The following FSTL5 variants were observed in gnomAD, a reference collection of about 807,000 sequenced individuals.
FSTL5 encodes follistatin-related protein 5.
Under a neutral mutation model 89.1 loss-of-function variants are expected in FSTL5, and 62 were observed. That is an observed-to-expected ratio of 0.70 (90% CI 0.57 to 0.86). FSTL5 has a LOEUF of 0.86. Ranked by LOEUF, FSTL5 falls within the 40% of genes least tolerant of loss-of-function variation. The probability of loss-of-function intolerance (pLI) is 0.00; values close to 1 mark genes in which losing one functional copy is unlikely to be tolerated. For synonymous variants in FSTL5, 383 were observed against 346.2 expected (o/e 1.11, Z -1.18); for missense variants, 1,057 against 1,001.6 (o/e 1.06, Z -0.75).
chr4:161,881,166 TTTAATA>T (rs1251537918), intron 4 of FSTL5, among the ~76,000 whole-genome samples: 6 of 149,336 alleles, frequency 4.0e-5, no homozygotes, highest in East Asian at 1.9e-4. Flanking sequence ...TTTTTCATAT[TTTAATA>T]TTAATATTAA....
intron 6 of FSTL5, among the ~76,000 whole-genome samples, chr4:161,720,957 C>T (rs1739179392): frequency 1.3e-5 from 2 of 152,082 alleles, no homozygotes; most frequent in Non-Finnish European, 2.9e-5. Context: ...GCATAGCACC[C>T]GTAGTTACCA....
At chr4:161,636,446 G>GTTTTT (rs796867744) in intron 7 of FSTL5, among the ~76,000 whole-genome samples, 11 of 109,748 alleles carry the variant, frequency 1.0e-4, no homozygotes, top group East Asian at 5.3e-4. Context: ...TCTGGCAGTT[G>GTTTTT]TTTTTTTTTT....
At chr4:161,875,298 T>C (rs1329313446) in intron 4 of FSTL5, among the ~76,000 whole-genome samples, 1 of 152,210 alleles carries the variant, frequency 6.6e-6, no homozygotes, top group Non-Finnish European at 1.5e-5. Context: ...AATAGGAAAT[T>C]GGCTGTCCCC....
intron 2 of FSTL5, among the ~76,000 whole-genome samples, chr4:162,085,607 T>C (rs1348711656): frequency 3.9e-5 from 6 of 152,126 alleles, no homozygotes; most frequent in African/African-American, 1.4e-4. Context: ...CACACATATC[T>C]AATCATTAGC....
chr4:161,708,966 T>G (rs1302873775), intron 6 of FSTL5, among the ~76,000 whole-genome samples: 1 of 152,160 alleles, frequency 6.6e-6, no homozygotes, highest in Non-Finnish European at 1.5e-5. Flanking sequence ...GTGTTTTATA[T>G]CATAACTGTT....
chr4:161,888,916 A>G (rs985273239), intron 4 of FSTL5, among the ~76,000 whole-genome samples: 2 of 152,080 alleles, frequency 1.3e-5, no homozygotes, highest in African/African-American at 4.8e-5. Context: ...TATACAACAT[A>G]TATTTTTATT....
At chr4:162,088,784 T>C (rs1241340421) in intron 2 of FSTL5, among the ~76,000 whole-genome samples, 2 of 152,124 alleles carry the variant, frequency 1.3e-5, no homozygotes, top group African/African-American at 2.4e-5. Flanking sequence ...TATAAATGAG[T>C]AACATTTATA....
At chr4:161,513,769 T>C (rs1312681617) in intron 10 of FSTL5, among the ~76,000 whole-genome samples, 2 of 152,126 alleles carry the variant, frequency 1.3e-5, no homozygotes, top group Non-Finnish European at 2.9e-5. Flanking sequence ...TTCTCACTTA[T>C]AAGTGGGAGC....
intron 15 of FSTL5, among the ~76,000 whole-genome samples, chr4:161,409,609 TC>T (rs753886483): frequency 5.9e-5 from 9 of 152,076 alleles, no homozygotes; most frequent in Non-Finnish European, 1.3e-4. Flanking sequence ...CTCGAACTCA[TC>T]ACCTCGTGAT....
intron 3 of FSTL5, among the ~76,000 whole-genome samples, chr4:161,981,888 G>T (rs976791321): frequency 2.0e-5 from 3 of 151,820 alleles, no homozygotes; most frequent in Non-Finnish European, 4.4e-5. Context: ...TACAATAATG[G>T]TTAACATAAT....
At chr4:161,472,037 C>T (rs1192980888) in intron 13 of FSTL5, among the ~76,000 whole-genome samples, 2 of 148,714 alleles carry the variant, frequency 1.3e-5, no homozygotes, top group Admixed American at 6.8e-5. Flanking sequence ...AGTGCAGTGG[C>T]ACGATCTTGG....
intron 1 of FSTL5, among the ~76,000 whole-genome samples, chr4:162,160,524 CT>C (rs1271861634): frequency 1.9e-4 from 29 of 151,750 alleles, no homozygotes; most frequent in African/African-American, 6.7e-4. Flanking sequence ...TCACAAGAGT[CT>C]TTTGAGCTTC....
At chr4:162,091,441 T>C (rs1476265468) in intron 2 of FSTL5, among the ~76,000 whole-genome samples, 1 of 152,166 alleles carries the variant, frequency 6.6e-6, no homozygotes, top group Non-Finnish European at 1.5e-5. Context: ...GTTAGGAGTA[T>C]ACCCAACTCA....
chr4:161,520,821 T>A (rs761344489), intron 10 of FSTL5, among the ~76,000 whole-genome samples: 1 of 152,206 alleles, frequency 6.6e-6, no homozygotes, highest in Non-Finnish European at 1.5e-5. Context: ...CATGGCAGAA[T>A]TTAGGATCTT....
intron 3 of FSTL5, among the ~76,000 whole-genome samples, chr4:161,972,511 C>G (rs1474381344): frequency 6.6e-6 from 1 of 152,110 alleles, no homozygotes; most frequent in Admixed American, 6.5e-5. Flanking sequence ...ATGGAGTGAC[C>G]CATGTGGTAA....
At chr4:161,695,058 C>A (rs7679110) in intron 6 of FSTL5, among the ~76,000 whole-genome samples, 13,504 of 150,874 alleles carry the variant, frequency 0.09, 904 homozygotes, top group African/African-American at 0.19. Context: ...TTTTATTTTT[C>A]TTTTTCTGTA....
intron 4 of FSTL5, among the ~76,000 whole-genome samples, chr4:161,888,914 A>T (rs1389041337): frequency 1.3e-5 from 2 of 152,082 alleles, no homozygotes; most frequent in Non-Finnish European, 2.9e-5. Context: ...TCTATACAAC[A>T]TATATTTTTA....
intron 4 of FSTL5, among the ~76,000 whole-genome samples, chr4:161,849,788 A>T (rs1057436332): frequency 2.6e-5 from 4 of 152,276 alleles, no homozygotes; most frequent in Middle Eastern, 3.4e-3. Context: ...CGATACTGTC[A>T]ATCTACTTAC....
intron 14 of FSTL5, among the ~76,000 whole-genome samples, chr4:161,458,581 G>A (rs868114582): frequency 5.9e-5 from 9 of 152,094 alleles, no homozygotes; most frequent in South Asian, 4.1e-4. Flanking sequence ...TAGCAAAATC[G>A]CAAAGCATTT....
Sources: allele counts gnomAD v4.1 joint callset (sites outside exome capture counted in the v4.1 genomes callset), GRCh38; gene constraint gnomAD v4.1.1; transcripts MANE v1.5; gene names NCBI Gene and HGNC (gene_info 2026-07-23, HGNC 2026-07-21).